The following ZC3H7A variants were observed in gnomAD, a reference collection of about 807,000 sequenced individuals.
ZC3H7A encodes zinc finger CCCH domain-containing protein 7A.
ZC3H7A carries 44 observed loss-of-function variants against 125.5 expected under a neutral mutation model. The observed-to-expected ratio is 0.35, with a 90% CI of 0.28 to 0.45. The LOEUF (loss-of-function observed/expected upper bound fraction) is 0.45. Among genes scored for constraint, ZC3H7A ranks in the 20% least tolerant of loss-of-function variants. The probability of loss-of-function intolerance (pLI) is 1.00; values close to 1 mark genes in which losing one functional copy is unlikely to be tolerated. For synonymous variants in ZC3H7A, 399 were observed against 391.2 expected, an observed-to-expected ratio of 1.02 and a Z score of -0.23; for missense variants, 977 against 1,170.7, an observed-to-expected ratio of 0.83 and a Z score of 2.41.
At chr16:11,767,170 C>G (rs2141180993) in intron 13 of ZC3H7A, among the ~76,000 whole-genome samples, 1 of 152,248 alleles carries the variant, frequency 6.6e-6, no homozygotes, top group Middle Eastern at 3.4e-3. Flanking sequence ...TACACAGATA[C>G]CATTGTGTTA....
rs1274724583 is a variant in ZC3H7A, at chr16:11,774,381, C to T, written c.758G>A (p.Ser253Asn). Residue 253 changes from serine to asparagine, a missense_variant, in exon 9 of 23, where the codon AGC becomes AAC. By Grantham distance (46) the Ser-to-Asn change is conservative. Around this residue, in one of 3 missense-constraint regions of ZC3H7A, gnomAD observed 342 missense variants for 311.3 expected, o/e 1.10. Transcript: ENST00000355758. The part of the protein sequence containing the change: ...TSILPLQVEE[S>N]ALPSAVLANG... ...TGCCAGCACTGCAGATGGCAGAGCG[C>T]TCTCTTCCACTTGTAGTGGCAAAAT... 2.5e-6 allele frequency: 4 copies of T among 1,613,898 alleles called. No individual in the cohort carries two copies. The highest frequency in any genetic ancestry group is 3.4e-6 in the Non-Finnish European group (4 of 1,179,880).
chr16:11,756,406 T>C, intron 20 of ZC3H7A, 36 bp from the exon 21 acceptor site: 1 of 1,602,526 alleles, frequency 6.2e-7, no homozygotes, highest in South Asian at 1.1e-5. Flanking sequence ...CAGCAGCAAC[T>C]AAACTCCATT....
intron 7 of ZC3H7A, 100 bp downstream of exon 7, chr16:11,776,220 G>T: frequency 8.4e-7 from 1 of 1,191,062 alleles, no homozygotes; most frequent in Non-Finnish European, 1.2e-6. Context: ...GAATTAAAAA[G>T]GTTCCAAAAA....
Position 11,779,220 on chromosome 16 carries a change from G to A in ZC3H7A, c.252C>T (p.Pro84=). Residue 84 remains proline, a synonymous_variant, in exon 4 of 23, where the codon CCC becomes CCT. Coordinates refer to ENST00000355758, the MANE Select transcript of ZC3H7A (RefSeq NM_014153.4). ...TATATAGTTTTTCAATTATTTCTTT[G>A]GGGATTAAAATTTCTTCAGATTTTG... ...DYAKSEEILI[P]KEIIEKLYIN... 6.2e-7 allele frequency: 1 copy of A among 1,610,454 alleles called. No homozygotes were observed. Among genetic ancestry groups the A allele is most frequent in the Non-Finnish European group, 8.5e-7 (1 of 1,177,046 alleles).
At chr16:11,752,316 A>G (rs942604234) in intron 22 of ZC3H7A, among the ~76,000 whole-genome samples, 1 of 152,250 alleles carries the variant, frequency 6.6e-6, no homozygotes, top group African/African-American at 2.4e-5. Flanking sequence ...TTCAAATCTG[A>G]TGAACATTTA....
intron 1 of ZC3H7A, among the ~76,000 whole-genome samples, chr16:11,791,971 G>A (rs2053362143): frequency 6.6e-6 from 1 of 152,092 alleles, no homozygotes; most frequent in Non-Finnish European, 1.5e-5. Flanking sequence ...CAGTACAGTG[G>A]CACAACCATA....
intron 1 of ZC3H7A, chr16:11,782,601 CTTTTTTTTTTTT>C (rs896160381): frequency 1.0e-4 from 13 of 130,610 alleles, no homozygotes; most frequent in African/African-American, 1.8e-4. Flanking sequence ...TTTTCATATT[CTTTTTTTTTTTT>C]TTTTTTTTTT....
In ZC3H7A at chr16:11,761,895, A is replaced by G; in HGVS notation, c.2213+15T>C. ...AAATTACAAAATAGGAATTGTTTCC[A>G]CACACAATACTTACGAATGCCTTGC... On this transcript the variant is annotated intron_variant, in intron 18 of 22. Transcript: ENST00000355758. 1.2e-6 allele frequency: 2 copies of G among 1,607,232 alleles called. No homozygotes were observed. The highest frequency in any genetic ancestry group is 1.7e-6 in the Non-Finnish European group (2 of 1,178,588).
Position 11,751,419 on chromosome 16 carries a change from A to G in ZC3H7A, c.2814T>C (p.Asp938=), listed in dbSNP as rs760958377. ...CTTTGTTGAGCTTCATCTTTAGGGC[A>G]TCTCTTCTTTCTTCCCATTCATGAA... The part of the protein sequence containing the change: ...AELHEWEERR[D]ALKMKLNKAR... Residue 938 remains aspartate, a synonymous_variant, in exon 23 of 23, where the codon GAT becomes GAC. Coordinates refer to ENST00000355758, the MANE Select transcript of ZC3H7A (RefSeq NM_014153.4). 2.5e-6 allele frequency: 4 copies of G among 1,614,060 alleles called. No homozygotes were observed. The East Asian group carries it at 6.7e-5, about 27-fold the overall frequency.
At chr16:11,768,107 A>T (rs972276012) in intron 12 of ZC3H7A, among the ~76,000 whole-genome samples, 1 of 152,234 alleles carries the variant, frequency 6.6e-6, no homozygotes, top group Non-Finnish European at 1.5e-5. Flanking sequence ...TTCTATAAAT[A>T]AAATGACATC....
chr16:11,770,381 G>T lies in ZC3H7A; in HGVS notation c.1108+402C>A, dbSNP rs183842163. Among the ~76,000 whole-genome samples, 243 of 152,258 alleles carry T rather than the reference G, an allele frequency of 1.6e-3. 1 individual carries two copies. The highest frequency in any genetic ancestry group is 2.6e-3 in the Non-Finnish European group (177 of 68,006). On this transcript the variant is annotated intron_variant, in intron 10 of 22. Coordinates refer to ENST00000355758, the MANE Select transcript of ZC3H7A (RefSeq NM_014153.4). The stretch of plus-strand genomic sequence containing the variant: ...GATGAAACCTAAAATAGACACATCT[G>T]ATTGCTAGCATTCTAAATACTGATC...
chr16:11,757,615 C>T (rs1041727421), intron 20 of ZC3H7A, among the ~76,000 whole-genome samples: 2 of 151,476 alleles, frequency 1.3e-5, no homozygotes, highest in Non-Finnish European at 2.9e-5. Flanking sequence ...AATGTATCAT[C>T]AGGCAAAGAT....
rs368458325 is a variant in ZC3H7A, at chr16:11,756,378, A to G, written c.2429-8T>C. 1 of 1,605,892 alleles carries G rather than the reference A, an allele frequency of 6.2e-7. No individual in the cohort carries two copies. Among genetic ancestry groups the G allele is most frequent in the Non-Finnish European group, 8.5e-7 (1 of 1,177,882 alleles). The stretch of plus-strand genomic sequence containing the variant: ...ATTGCTCCATATCTTGTACTAAAGA[A>G]AAATGAATTACTTTCAGCAGCAGCA... On this transcript the variant is annotated splice_polypyrimidine_tract_variant and splice_region_variant and intron_variant, in intron 20 of 22. Coordinates refer to ENST00000355758, the MANE Select transcript of ZC3H7A (RefSeq NM_014153.4).
At chr16:11,769,870 GC>G (rs1176688583) in intron 10 of ZC3H7A, among the ~76,000 whole-genome samples, 1 of 132,278 alleles carries the variant, frequency 7.6e-6, no homozygotes, top group Non-Finnish European at 1.5e-5. Context: ...GCTCACTGCA[GC>G]CTCAACCTCC....
In ZC3H7A at chr16:11,761,488, A is replaced by G; in HGVS notation, c.2237T>C (p.Met746Thr). Residue 746 changes from methionine (M) to threonine (T), a missense_variant, in exon 19 of 23, where the codon ATG becomes ACG. This residue lies in a region of ZC3H7A where 436 missense variants were observed against 603.2 expected (regional missense o/e 0.72). Transcript: ENST00000355758. Reference protein sequence around the residue: ...RHSWTKDRRAMRVMSIERKKW... With the variant: ...RHSWTKDRRATRVMSIERKKW... ...CTTACGTTCAATAGACATCACTCTCATCGCACGCCGGTCTTTGGTCCACCT... is the reference window on the plus strand; with the variant it reads ...CTTACGTTCAATAGACATCACTCTCGTCGCACGCCGGTCTTTGGTCCACCT... 6.2e-7 allele frequency: 1 copy of G among 1,612,332 alleles called. No individual in the cohort carries two copies. The highest frequency in any genetic ancestry group is 8.5e-7 in the Non-Finnish European group (1 of 1,178,472).
chr16:11,787,586 T>G (rs772745202), intron 1 of ZC3H7A, among the ~76,000 whole-genome samples: 1 of 152,192 alleles, frequency 6.6e-6, no homozygotes, highest in Non-Finnish European at 1.5e-5. Context: ...ATCAGCCTCC[T>G]GAGTAGCTGA....
At chr16:11,783,988 G>GCGCT (rs1555497197) in intron 1 of ZC3H7A, among the ~76,000 whole-genome samples, 7 of 130,936 alleles carry the variant, frequency 5.3e-5, no homozygotes, top group Non-Finnish European at 1.0e-4. Context: ...AAAAAGGGGG[G>GCGCT]GGCTGTGAGG....
At chr16:11,790,934 G>A (rs1386285976) in intron 1 of ZC3H7A, among the ~76,000 whole-genome samples, 1 of 151,570 alleles carries the variant, frequency 6.6e-6, no homozygotes, top group Admixed American at 6.6e-5. Flanking sequence ...GCCCAGACTG[G>A]TGGCACCTGC....
Position 11,776,437 on chromosome 16 carries a change from A to G in ZC3H7A, c.546+15T>C, listed in dbSNP as rs752575609. The G allele has an allele frequency of 1.2e-6, 2 of 1,606,034 alleles. No individual in the cohort carries two copies. The highest frequency in any genetic ancestry group is 2.3e-5 in the South Asian group (2 of 88,502). Reference sequence around the variant, plus strand: ...AACAAAATGAAAACACCTTATGCAGAGAACTCCAGCTTACCTCAGCTCTGA... The same window carrying G: ...AACAAAATGAAAACACCTTATGCAGGGAACTCCAGCTTACCTCAGCTCTGA... On this transcript the variant is annotated intron_variant, in intron 6 of 22. Coordinates refer to ENST00000355758, the MANE Select transcript of ZC3H7A (RefSeq NM_014153.4).
Sources: allele counts gnomAD v4.1 joint callset (sites outside exome capture counted in the v4.1 genomes callset), GRCh38; gene constraint gnomAD v4.1.1; regional missense constraint gnomAD v4.1.1; transcripts MANE v1.5; gene names NCBI Gene and HGNC (gene_info 2026-07-23, HGNC 2026-07-21).